Variants in SCARB2 observed in about 807,000 individuals in gnomAD.
SCARB2 encodes lysosome membrane protein 2.
A neutral mutation model predicts 58.6 loss-of-function variants in SCARB2; 29 were observed. The observed-to-expected ratio is 0.49, with a 90% CI of 0.37 to 0.67. The LOEUF is 0.67. Ranked by LOEUF, SCARB2 falls within the 30% of genes least tolerant of loss-of-function variation. The probability of loss-of-function intolerance (pLI) is 0.00; values close to 1 mark genes in which losing one functional copy is unlikely to be tolerated. For synonymous variants in SCARB2, 195 were observed against 210.1 expected (o/e 0.93, Z 0.62); for missense variants, 488 against 578.5 (o/e 0.84, Z 1.60).
At chr4:76,200,902 C>T (rs1010422668) in intron 1 of SCARB2, among the ~76,000 whole-genome samples, 2 of 152,204 alleles carry the variant, frequency 1.3e-5, no homozygotes, top group African/African-American at 4.8e-5. Context: ...AGGCTCCTAA[C>T]TGGTCTCCCT....
chr4:76,231,577 G>C (rs1373837100), intron 1 of SCARB2, among the ~76,000 whole-genome samples: 1 of 152,154 alleles, frequency 6.6e-6, no homozygotes, highest in East Asian at 1.9e-4. Context: ...TTGCAAAATA[G>C]ACTTTACATT....
intron 5 of SCARB2, 46 bp from the exon 6 acceptor site, chr4:76,175,956 G>C (rs1361320033): frequency 6.2e-7 from 1 of 1,609,322 alleles, no homozygotes; most frequent in Non-Finnish European, 8.5e-7. Flanking sequence ...TCACATTTGA[G>C]TTTAGATTCT....
intron 1 of SCARB2, among the ~76,000 whole-genome samples, chr4:76,201,397 G>A (rs1732825735): frequency 6.6e-6 from 1 of 152,024 alleles, no homozygotes; most frequent in Non-Finnish European, 1.5e-5. Context: ...CTTTTTCATG[G>A]ATCCCCAGCA....
intron 1 of SCARB2, among the ~76,000 whole-genome samples, chr4:76,233,002 T>G (rs532248551): frequency 6.6e-6 from 1 of 152,198 alleles, no homozygotes; most frequent in Non-Finnish European, 1.5e-5. Context: ...TGTTTGAACC[T>G]TCAGCTTTTC....
intron 1 of SCARB2, among the ~76,000 whole-genome samples, chr4:76,209,471 C>T (rs561162957): frequency 1.3e-5 from 2 of 152,144 alleles, no homozygotes; most frequent in African/African-American, 4.8e-5. Flanking sequence ...CGGATTCAAG[C>T]GATTCTCCTG....
chr4:76,184,785 C>CAAA, intron 2 of SCARB2: 12 of 323,312 alleles, frequency 3.7e-5, no homozygotes, highest in East Asian at 1.1e-4. Context: ...TTGTCTCTAC[C>CAAA]AAAAAAAAAA....
In SCARB2 at chr4:76,213,823, G is replaced by T; in HGVS notation, c.-280C>A. 1 of 281,822 alleles carries T rather than the reference G, an allele frequency of 3.5e-6. No homozygotes were observed. The highest frequency in any genetic ancestry group is 6.5e-6 in the Non-Finnish European group (1 of 153,584). 17.5% of individuals were successfully genotyped at this position (281,822 alleles called of 1,614,324 possible). On this transcript the variant is annotated 5_prime_UTR_variant, in exon 1 of 12. Coordinates refer to ENST00000264896, the MANE Select transcript of SCARB2 (RefSeq NM_005506.4). ...CGCCCGCCTAGCGCAGCTCGGGAGA[G>T]TGCAGGGAGCGCGCAGGGACGTGAC... is the stretch of plus-strand genomic sequence containing the variant.
chr4:76,169,536 G>A (rs1311492561), intron 8 of SCARB2, among the ~76,000 whole-genome samples: 1 of 152,314 alleles, frequency 6.6e-6, no homozygotes, highest in Non-Finnish European at 1.5e-5. Context: ...CCCAAGGGGA[G>A]AAATAAATAT....
At chr4:76,166,427 T>G in intron 9 of SCARB2, 126 bp from the exon 10 acceptor site, 6 of 1,012,396 alleles carry the variant, frequency 5.9e-6, no homozygotes, top group Non-Finnish European at 7.8e-6. Context: ...AATTTGCTGA[T>G]TTCTTAGTTA....
rs1017675198 is a variant in SCARB2, at chr4:76,166,164, C to T, written c.1239+86G>A. ...AAAATCTTTTGCCCTTCTGTCATAA[C>T]TTACATGTAACTACAACAGTAGACA... On this transcript the variant is annotated intron_variant, in intron 10 of 11. Coordinates refer to ENST00000264896, the MANE Select transcript of SCARB2 (RefSeq NM_005506.4). 4 of 1,321,742 alleles carry T rather than the reference C, an allele frequency of 3.0e-6. No homozygotes were observed. In the Admixed American group the frequency reaches 6.7e-5, roughly 22 times the overall value. The allele number at this position is 1,321,742 out of a possible 1,614,324, so 81.9% of individuals were successfully genotyped here.
chr4:76,229,673 T>TCCAC (rs1733459968), intron 1 of SCARB2, among the ~76,000 whole-genome samples: 1 of 152,190 alleles, frequency 6.6e-6, no homozygotes, highest in Non-Finnish European at 1.5e-5. Flanking sequence ...AATACCTGAT[T>TCCAC]CCTGTGATGT....
At chr4:76,207,929 G>C (rs1732962047) in intron 1 of SCARB2, among the ~76,000 whole-genome samples, 1 of 152,138 alleles carries the variant, frequency 6.6e-6, no homozygotes, top group African/African-American at 2.4e-5. Context: ...ATTATAAGTA[G>C]TAATCTCCTC....
chr4:76,196,017 G>C (rs1252580457), intron 1 of SCARB2, among the ~76,000 whole-genome samples, 153 bp from the exon 2 acceptor site: 5 of 152,114 alleles, frequency 3.3e-5, no homozygotes, highest in Admixed American at 3.3e-4. Flanking sequence ...CTGAGAACAG[G>C]GCCATATCTT....
chr4:76,200,250 A>C (rs528927893), intron 1 of SCARB2, among the ~76,000 whole-genome samples: 2 of 152,320 alleles, frequency 1.3e-5, no homozygotes, highest in South Asian at 4.1e-4. Flanking sequence ...ACACTAAATG[A>C]AAAAGCAACA....
At position 76,222,933 on chromosome 4, in the gene SCARB2, C is replaced by T. The variant is rs2109980901; in HGVS notation, c.-358+11370G>A. Reference sequence around the variant, plus strand: ...AGAAGAAAGGCAGGGGGGGAAGAGGCCCAGGTGAAGCCTCGTGCATGGGAA... The same window carrying T: ...AGAAGAAAGGCAGGGGGGGAAGAGGTCCAGGTGAAGCCTCGTGCATGGGAA... On this transcript the variant is annotated intron_variant, in intron 1 of 11. Coordinates refer to the SCARB2 transcript ENST00000638295. Among the ~76,000 whole-genome samples, 3 of 152,232 alleles carry T rather than the reference C, an allele frequency of 2.0e-5. No individual in the cohort carries two copies. In the South Asian group the frequency reaches 6.2e-4, roughly 32 times the overall value.
Position 76,169,923 on chromosome 4 carries a change from T to C in SCARB2, c.1057A>G (p.Ile353Val), listed in dbSNP as rs542349309. 23 of 1,614,120 alleles carry C rather than the reference T, an allele frequency of 1.4e-5. No individual in the cohort carries two copies. The East Asian group carries it at 4.5e-4, about 31-fold the overall frequency. Residue 353 changes from isoleucine to valine, a missense_variant, in exon 8 of 12, where the codon ATA becomes GTA. Physicochemically the swap from Ile to Val is conservative, Grantham distance 29. Transcript: ENST00000264896. ...TCCTGATTTGGGTGCATGCCTTCTA[T>C]GGCAGAAACAAACCTCTCATCTGCT... ...YQADERFVSA[I>V]EGMHPNQEDH...
chr4:76,225,629 C>T (rs762899589), intron 1 of SCARB2, among the ~76,000 whole-genome samples: 19 of 152,186 alleles, frequency 1.2e-4, no homozygotes, highest in Non-Finnish European at 2.6e-4. Flanking sequence ...GCTTTTTCTG[C>T]ATCTATTGAG....
chr4:76,211,819 C>A (rs1447440688), intron 1 of SCARB2, among the ~76,000 whole-genome samples: 2 of 152,214 alleles, frequency 1.3e-5, no homozygotes, highest in Non-Finnish European at 2.9e-5. Flanking sequence ...CCTTTAGTTT[C>A]ATACAATACA....
At chr4:76,191,470 C>T (rs1159374946) in intron 2 of SCARB2, among the ~76,000 whole-genome samples, 1 of 152,074 alleles carries the variant, frequency 6.6e-6, no homozygotes, top group East Asian at 1.9e-4. Context: ...ATAGTGAGTT[C>T]TCACGAGATC....
Sources: allele counts gnomAD v4.1 joint callset (sites outside exome capture counted in the v4.1 genomes callset), GRCh38; gene constraint gnomAD v4.1.1; transcripts MANE v1.5; gene names NCBI Gene and HGNC (gene_info 2026-07-23, HGNC 2026-07-21).